Variants in MME observed in about 807,000 individuals in gnomAD.
MME encodes membrane metalloendopeptidase, also known as neprilysin.
MME carries 98 observed loss-of-function variants against 113.2 expected under a neutral mutation model. The observed-to-expected ratio is 0.87, with a 90% CI of 0.74 to 1.02. The LOEUF (loss-of-function observed/expected upper bound fraction) is 1.02. MME is among the 50% of genes least tolerant of loss of function. MME has a pLI of 0.00. For missense variants in MME, 836 were observed against 896.0 expected, an observed-to-expected ratio of 0.93 and a Z score of 0.86; for synonymous variants, 292 against 300.6, an observed-to-expected ratio of 0.97 and a Z score of 0.30.
intron 3 of MME, among the ~76,000 whole-genome samples, chr3:155,111,532 C>G (rs1034037563): frequency 6.6e-6 from 1 of 152,080 alleles, no homozygotes; most frequent in African/African-American, 2.4e-5. Context: ...CTTTTTGCCC[C>G]CTGGGAGATG....
intron 3 of MME, among the ~76,000 whole-genome samples, chr3:155,089,390 T>G (rs1380551583): frequency 6.6e-6 from 1 of 152,204 alleles, no homozygotes; most frequent in Non-Finnish European, 1.5e-5. Flanking sequence ...CTCAACTCAA[T>G]CACTATTGAT....
At chr3:155,092,257 C>G (rs550369568) in intron 3 of MME, among the ~76,000 whole-genome samples, 1 of 152,194 alleles carries the variant, frequency 6.6e-6, no homozygotes, top group Non-Finnish European at 1.5e-5. Context: ...TATCAGCTAT[C>G]TGGATATCTC....
intron 8 of MME, among the ~76,000 whole-genome samples, chr3:155,133,062 A>AAATATATATATATATATATATATATAT (rs1553762419): frequency 1.7e-4 from 13 of 75,038 alleles, no homozygotes; most frequent in African/African-American, 4.6e-4. Context: ...AAAAAAAAAA[A>AAATATATATATATATATATATATATAT]ATATATATAT....
chr3:155,159,598 A>C (rs892600136), intron 16 of MME, among the ~76,000 whole-genome samples: 1 of 151,960 alleles, frequency 6.6e-6, no homozygotes, highest in Non-Finnish European at 1.5e-5. Context: ...CTCATCCCTC[A>C]AATTATCATC....
chr3:155,108,936 A>G (rs1717931529), intron 3 of MME, among the ~76,000 whole-genome samples: 1 of 152,152 alleles, frequency 6.6e-6, no homozygotes, highest in Admixed American at 6.6e-5. Context: ...GAGGCCATTC[A>G]AAGGCAGACT....
chr3:155,091,750 T>C (rs756825269), intron 3 of MME, among the ~76,000 whole-genome samples: 29 of 152,168 alleles, frequency 1.9e-4, no homozygotes, highest in Admixed American at 3.9e-4. Context: ...AAATACGCAA[T>C]TTAAAAAACC....
At chr3:155,124,355 T>C (rs901771025) in intron 8 of MME, among the ~76,000 whole-genome samples, 3 of 151,948 alleles carry the variant, frequency 2.0e-5, no homozygotes, top group African/African-American at 7.2e-5. Context: ...TTCTTTGCCT[T>C]TGGTTTGAAT....
At chr3:155,051,534 G>A (rs566739951) in intron 1 of MME, among the ~76,000 whole-genome samples, 3 of 152,294 alleles carry the variant, frequency 2.0e-5, no homozygotes, top group African/African-American at 7.2e-5. Context: ...TTACAGGTGA[G>A]AGGCAGGTGA....
intron 1 of MME, among the ~76,000 whole-genome samples, chr3:155,055,902 T>C (rs1227654465): frequency 6.6e-6 from 1 of 152,224 alleles, no homozygotes; most frequent in Non-Finnish European, 1.5e-5. Context: ...TTTTGTATTA[T>C]TTTAAGTTCA....
rs1248287651 is a variant in MME at position 155,142,332 on chromosome 3, TG to T, written c.1188+3del. ...GAGTCCAGAAATGCTTTCCGCAAGG[TG>T]AAGAAAAAATCTCTCTTTTCTTAAG... is the stretch of plus-strand genomic sequence containing the variant. On this transcript the variant is annotated splice_donor_region_variant and intron_variant, in intron 12 of 22. Coordinates refer to ENST00000360490, the MANE Select transcript of MME (RefSeq NM_007289.4). 9.9e-6 allele frequency: 16 copies of T among 1,611,196 alleles called. No individual in the cohort carries two copies. The highest frequency in any genetic ancestry group is 1.4e-5 in the Non-Finnish European group (16 of 1,177,566).
chr3:155,077,613 T>A (rs1305018380), upstream of MME, among the ~76,000 whole-genome samples: 2 of 151,956 alleles, frequency 1.3e-5, no homozygotes, highest in African/African-American at 4.8e-5. Context: ...GTAAGGGAGA[T>A]GTGGGTAGTC....
At chr3:155,067,307 T>TTG (rs1341679314) in intron 1 of MME, among the ~76,000 whole-genome samples, 1 of 112,094 alleles carries the variant, frequency 8.9e-6, no homozygotes, top group Non-Finnish European at 1.8e-5. Flanking sequence ...TTCCTTTTTT[T>TTG]TTTTTTTTTT....
intron 3 of MME, among the ~76,000 whole-genome samples, chr3:155,109,296 G>T (rs1291709078): frequency 6.6e-6 from 1 of 152,126 alleles, no homozygotes; most frequent in Non-Finnish European, 1.5e-5. Context: ...GAGGAAGGGA[G>T]GTATTTTCCC....
chr3:155,138,660 A>T (rs1235851049), intron 9 of MME, among the ~76,000 whole-genome samples: 1 of 152,198 alleles, frequency 6.6e-6, no homozygotes, highest in Non-Finnish European at 1.5e-5. Flanking sequence ...AAGAAGTATT[A>T]ACCCCTGAAC....
chr3:155,045,495 G>A (rs376284458), intron 1 of MME, among the ~76,000 whole-genome samples: 2 of 149,916 alleles, frequency 1.3e-5, no homozygotes, highest in East Asian at 3.9e-4. Context: ...CTAGGTAGTT[G>A]TGGTTTGGAT....
chr3:155,145,695 A>C (rs1576641651), intron 14 of MME, among the ~76,000 whole-genome samples: 1 of 152,202 alleles, frequency 6.6e-6, no homozygotes, highest in African/African-American at 2.4e-5. Flanking sequence ...GAAGTCCTGC[A>C]ATAAAGAAAC....
chr3:155,133,796 A>G (rs1720399942), intron 8 of MME, among the ~76,000 whole-genome samples: 1 of 146,846 alleles, frequency 6.8e-6, no homozygotes, highest in Admixed American at 6.8e-5. Context: ...GTATATATAT[A>G]TTTTCCAATA....
intron 1 of MME, among the ~76,000 whole-genome samples, chr3:155,052,093 T>G (rs548906544): frequency 6.6e-6 from 1 of 152,324 alleles, no homozygotes; most frequent in South Asian, 2.1e-4. Flanking sequence ...ACTCCACATC[T>G]CATATCCAGG....
intron 1 of MME, chr3:155,083,858 T>C: frequency 2.8e-6 from 1 of 353,342 alleles, no homozygotes; most frequent in Non-Finnish European, 5.4e-6. Context: ...GAATTAATCC[T>C]ACTTGAGTAT....
Sources: gnomAD v4.1 joint callset for allele counts (sites outside exome capture counted in the v4.1 genomes callset) on GRCh38, gnomAD v4.1.1 for gene constraint, MANE v1.5 for transcripts, NCBI Gene and HGNC (gene_info 2026-07-23, HGNC 2026-07-21) for gene names.